The following KCND3 variants were observed in gnomAD, a reference collection of about 807,000 sequenced individuals.
The protein encoded by KCND3 is A-type voltage-gated potassium channel KCND3.
In KCND3, 9 loss-of-function variants were observed where a neutral mutation model predicts 51.1. That is an observed-to-expected ratio of 0.18 (90% CI 0.11 to 0.31). The LOEUF (loss-of-function observed/expected upper bound fraction) is 0.31, where lower values mean the gene tolerates loss of function less well. KCND3 is among the 10% of genes least tolerant of loss of function. KCND3 has a pLI of 1.00. For missense variants in KCND3, 526 were observed against 903.8 expected (o/e 0.58, Z 5.36); for synonymous variants, 349 against 368.0 (o/e 0.95, Z 0.59).
At chr1:111,814,868 C>T (rs1333935760) in intron 2 of KCND3, among the ~76,000 whole-genome samples, 9 of 152,258 alleles carry the variant, frequency 5.9e-5, no homozygotes, top group Non-Finnish European at 1.2e-4. Context: ...CTATTTTATC[C>T]ACCAGAGTCC....
intron 2 of KCND3, among the ~76,000 whole-genome samples, chr1:111,801,472 C>T (rs139526533): frequency 3.3e-5 from 5 of 152,304 alleles, no homozygotes; most frequent in Non-Finnish European, 7.4e-5. Context: ...TCCTCGCACA[C>T]CCCTGATTCT....
At chr1:111,926,137 G>A (rs1208761864) in intron 2 of KCND3, among the ~76,000 whole-genome samples, 1 of 152,162 alleles carries the variant, frequency 6.6e-6, no homozygotes, top group Non-Finnish European at 1.5e-5. Context: ...TCACTCCACA[G>A]TTTGTGGTTC....
At position 111,888,050 on chromosome 1, in the gene KCND3, G is replaced by A. The variant is rs558119242; in HGVS notation, c.1106+93571C>T. On this transcript the variant is annotated intron_variant, in intron 2 of 7. Transcript: ENST00000302127. The stretch of plus-strand genomic sequence containing the variant: ...CCCTGGCTGGGTGTACCAGAGTGAT[G>A]GGCAGAGCAAGGTCCAGAGAGGGCA... 8.5e-5 allele frequency among the ~76,000 whole-genome samples: 13 copies of A among 152,368 alleles called. No individual in the cohort carries two copies. The South Asian group carries it at 2.1e-3, about 24-fold the overall frequency.
At chr1:111,902,448 C>G (rs12407908) in intron 2 of KCND3, among the ~76,000 whole-genome samples, 13,243 of 152,202 alleles carry the variant, frequency 0.087, 912 homozygotes, top group South Asian at 0.25. Context: ...GCCCCCAACA[C>G]CATGCTCACA....
intron 2 of KCND3, among the ~76,000 whole-genome samples, chr1:111,939,590 G>A (rs1420176802): frequency 6.6e-6 from 1 of 152,208 alleles, no homozygotes; most frequent in East Asian, 1.9e-4. Flanking sequence ...ATTCCATGGT[G>A]TATATGTGCC....
chr1:111,982,279 C>G lies in KCND3; in HGVS notation c.448G>C (p.Asp150His), dbSNP rs1488410733. The G allele has an allele frequency of 6.2e-7, 1 of 1,614,088 alleles. No homozygotes were observed. ...KRENAERLMD[D>H]NDSENNQESM... The stretch of plus-strand genomic sequence containing the variant: ...TCCTGGTTGTTCTCCGAGTCGTTGT[C>G]GTCCATGAGCCGCTCGGCGTTCTCC... Residue 150 changes from aspartate (D) to histidine (H), a missense_variant, in exon 2 of 8, where the codon GAC becomes CAC. Coordinates refer to ENST00000302127, the MANE Select transcript of KCND3 (RefSeq NM_001378969.1). The surrounding 1 kb of genome is among the most constrained non-coding windows in gnomAD (Gnocchi z 8.5).
intron 2 of KCND3, among the ~76,000 whole-genome samples, chr1:111,918,127 C>T (rs1671307924): frequency 3.3e-5 from 5 of 152,130 alleles, no homozygotes; most frequent in South Asian, 2.1e-4. Flanking sequence ...CTTAGAAACT[C>T]GAATCTGACT....
intron 2 of KCND3, among the ~76,000 whole-genome samples, chr1:111,831,190 C>T (rs1666818217): frequency 6.6e-6 from 1 of 151,994 alleles, no homozygotes. Context: ...GCTCAAAACT[C>T]TTGTCCTGAA....
chr1:111,948,512 C>T (rs1197487933), intron 2 of KCND3, among the ~76,000 whole-genome samples: 1 of 152,228 alleles, frequency 6.6e-6, no homozygotes, highest in Non-Finnish European at 1.5e-5. Context: ...GTTCTGCCTT[C>T]TACTTTCTCT....
At chr1:111,892,341 T>A (rs542058761) in intron 2 of KCND3, among the ~76,000 whole-genome samples, 25 of 152,332 alleles carry the variant, frequency 1.6e-4, no homozygotes, top group African/African-American at 5.8e-4. Flanking sequence ...TATCATTTAT[T>A]GGGCATTGCC....
At chr1:111,966,432 G>A (rs780856363) in intron 2 of KCND3, among the ~76,000 whole-genome samples, 2 of 152,168 alleles carry the variant, frequency 1.3e-5, no homozygotes, top group South Asian at 4.1e-4. Context: ...TATCAGTAGG[G>A]CTGGGGTGGT....
intron 2 of KCND3, among the ~76,000 whole-genome samples, chr1:111,917,046 C>T (rs1671248193): frequency 6.6e-6 from 1 of 152,080 alleles, no homozygotes; most frequent in South Asian, 2.1e-4. Context: ...AAAGAACGCC[C>T]ATATGATCAT....
intron 2 of KCND3, among the ~76,000 whole-genome samples, chr1:111,938,268 T>C (rs948646130): frequency 2.6e-5 from 4 of 152,204 alleles, no homozygotes; most frequent in Admixed American, 2.0e-4. Context: ...TGTTGGTTTG[T>C]TCATTTGCCC....
At chr1:111,974,075 C>T (rs936329017) in intron 2 of KCND3, among the ~76,000 whole-genome samples, 2 of 152,226 alleles carry the variant, frequency 1.3e-5, no homozygotes, top group African/African-American at 4.8e-5. Flanking sequence ...GCTCAGCTAT[C>T]TTCCCTCTCC....
chr1:111,983,734 C>T (rs1445876928), intron 1 of KCND3, among the ~76,000 whole-genome samples: 1 of 152,116 alleles, frequency 6.6e-6, no homozygotes, highest in Non-Finnish European at 1.5e-5. Context: ...CTTCCCATAC[C>T]AGCCTCTCTC....
At chr1:111,831,093 C>T (rs1666813119) in intron 2 of KCND3, among the ~76,000 whole-genome samples, 1 of 152,252 alleles carries the variant, frequency 6.6e-6, no homozygotes, top group Non-Finnish European at 1.5e-5. Context: ...TCCACACTTG[C>T]TTTCCTCTGA....
At chr1:111,937,038 A>G (rs1672253090) in intron 2 of KCND3, among the ~76,000 whole-genome samples, 1 of 152,196 alleles carries the variant, frequency 6.6e-6, no homozygotes, top group African/African-American at 2.4e-5. Flanking sequence ...GTCTCAGGAG[A>G]GAATGCATAA....
intron 2 of KCND3, among the ~76,000 whole-genome samples, chr1:111,809,428 C>G (rs551164043): frequency 3.3e-5 from 5 of 152,122 alleles, no homozygotes; most frequent in East Asian, 1.9e-4. Context: ...CCTGCCTCAG[C>G]CTTCCGAGTA....
chr1:111,948,501 T>G (rs1197725223), intron 2 of KCND3, among the ~76,000 whole-genome samples: 2 of 152,210 alleles, frequency 1.3e-5, no homozygotes, highest in Non-Finnish European at 2.9e-5. Context: ...AGCATAGGGC[T>G]GTTCTGCCTT....
Sources: gnomAD v4.1 joint callset for allele counts (sites outside exome capture counted in the v4.1 genomes callset) on GRCh38, gnomAD v4.1.1 for gene constraint, Gnocchi (gnomAD v3.1) non-coding constraint, MANE v1.5 for transcripts, NCBI Gene and HGNC (gene_info 2026-07-23, HGNC 2026-07-21) for gene names.